Variants in MGAT4C observed in about 807,000 individuals in gnomAD.
MGAT4C encodes MGAT4 family member C, also known as alpha-1,3-mannosyl-glycoprotein 4-beta-N-acetylglucosaminyltransferase C.
A neutral mutation model predicts 40.1 loss-of-function variants in MGAT4C; 19 were observed. The observed-to-expected ratio is 0.47, with a 90% CI of 0.33 to 0.70. The LOEUF (loss-of-function observed/expected upper bound fraction) is 0.70, where lower values mean the gene tolerates loss of function less well. Among genes scored for constraint, MGAT4C ranks in the 30% least tolerant of loss-of-function variants. The probability of loss-of-function intolerance (pLI) is 0.02; values close to 1 mark genes in which losing one functional copy is unlikely to be tolerated. For missense variants in MGAT4C, 491 were observed against 563.2 expected (o/e 0.87, Z 1.30); for synonymous variants, 181 against 187.1 (o/e 0.97, Z 0.27).
In MGAT4C at chr12:85,964,724, T is replaced by C. The variant is rs1176366064; in HGVS notation, c.*14565A>G. 1 of 152,210 alleles carries C rather than the reference T, an allele frequency of 6.6e-6. No homozygotes were observed. Among genetic ancestry groups the C allele is most frequent in the Non-Finnish European group, 1.5e-5 (1 of 68,026 alleles). 9.4% of individuals were successfully genotyped at this position (152,210 alleles called of 1,614,324 possible). ...TCTCGGCTGTTTCCTCTGACAGTTC[T>C]GTGGTAAAGAAGAAACATTATAGGA... On this transcript the variant is annotated 3_prime_UTR_variant, in exon 5 of 5. Transcript: ENST00000611864.
At chr12:86,326,156 G>A (rs543030203) in intron 4 of MGAT4C, among the ~76,000 whole-genome samples, 14 of 151,610 alleles carry the variant, frequency 9.2e-5, no homozygotes, top group South Asian at 4.2e-4. Context: ...TATATTAAGC[G>A]GCCAACAAAT....
In MGAT4C at chr12:86,489,657, G is replaced by A. The variant is rs140228815; in HGVS notation, c.-228-54392C>T. Among the ~76,000 whole-genome samples, 8 of 152,310 alleles carry A rather than the reference G, an allele frequency of 5.3e-5. No individual in the cohort carries two copies. The East Asian group carries it at 1.5e-3, about 29-fold the overall frequency. ...ACTCCTGCTGGCACTGAAGCTGCTG[G>A]CCAGTTGCCACACTTGTTTGCTCAT... On this transcript the variant is annotated intron_variant, in intron 2 of 7. Transcript: ENST00000548651.
intron 1 of MGAT4C, among the ~76,000 whole-genome samples, chr12:86,823,233 A>C (rs2136228554): frequency 6.6e-6 from 1 of 151,294 alleles, no homozygotes; most frequent in East Asian, 1.9e-4. Context: ...AAAAAGAACA[A>C]ACAAAGCCCA....
At chr12:86,387,648 G>A (rs1956078993) in intron 3 of MGAT4C, among the ~76,000 whole-genome samples, 1 of 152,002 alleles carries the variant, frequency 6.6e-6, no homozygotes, top group Admixed American at 6.6e-5. Context: ...TATCTAGAAT[G>A]TGCAATAAAA....
chr12:85,999,232 A>G (rs1159607754), intron 2 of MGAT4C, among the ~76,000 whole-genome samples: 1 of 152,128 alleles, frequency 6.6e-6, no homozygotes, highest in African/African-American at 2.4e-5. Context: ...CTCCCATGAC[A>G]CATGGCAATT....
At chr12:86,020,633 C>T (rs10863148) in intron 2 of MGAT4C, among the ~76,000 whole-genome samples, 36,238 of 152,072 alleles carry the variant, frequency 0.24, 5,119 homozygotes, top group Non-Finnish European at 0.32. Context: ...CATAAAAACC[C>T]TAGAAGAAAA....
intron 1 of MGAT4C, among the ~76,000 whole-genome samples, chr12:86,151,643 G>C (rs1201558726): frequency 6.6e-6 from 1 of 152,102 alleles, no homozygotes; most frequent in Non-Finnish European, 1.5e-5. Flanking sequence ...TAGAGAATAA[G>C]TGAATGAACA....
intron 3 of MGAT4C, among the ~76,000 whole-genome samples, chr12:86,419,240 T>C (rs1334876094): frequency 5.3e-5 from 8 of 152,052 alleles, no homozygotes; most frequent in Non-Finnish European, 1.2e-4. Flanking sequence ...TAAATTAAGA[T>C]AATTTCTTCA....
intron 1 of MGAT4C, among the ~76,000 whole-genome samples, chr12:86,229,935 T>C (rs1027148894): frequency 1.3e-5 from 2 of 151,964 alleles, no homozygotes; most frequent in African/African-American, 4.8e-5. Context: ...GAGGAGAAAA[T>C]GCTTCTGTTC....
chr12:86,819,243 C>T (rs1172299256), intron 1 of MGAT4C, among the ~76,000 whole-genome samples: 1 of 150,714 alleles, frequency 6.6e-6, no homozygotes, highest in East Asian at 1.9e-4. Flanking sequence ...AAATAAAAAA[C>T]TGAAGCTAAA....
intron 2 of MGAT4C, among the ~76,000 whole-genome samples, chr12:86,456,749 G>A (rs192057927): frequency 1.3e-5 from 2 of 152,008 alleles, no homozygotes; most frequent in African/African-American, 4.8e-5. Context: ...ATACTGGTAG[G>A]AAACTTGAGA....
chr12:86,690,274 G>A (rs1447149358), intron 2 of MGAT4C, among the ~76,000 whole-genome samples: 1 of 152,198 alleles, frequency 6.6e-6, no homozygotes, highest in African/African-American at 2.4e-5. Flanking sequence ...GATCCACTAA[G>A]CAAGACCACT....
intron 1 of MGAT4C, among the ~76,000 whole-genome samples, chr12:86,135,454 G>A (rs192156093): frequency 7.9e-5 from 12 of 152,124 alleles, no homozygotes; most frequent in Middle Eastern, 3.4e-3. Flanking sequence ...GAGTATGTGC[G>A]TGATCTTATT....
intron 1 of MGAT4C, among the ~76,000 whole-genome samples, chr12:86,819,660 G>A (rs1555233537): frequency 6.6e-6 from 1 of 150,750 alleles, no homozygotes; most frequent in Non-Finnish European, 1.5e-5. Flanking sequence ...CTGAAACAAT[G>A]TACAGTAGTA....
chr12:86,585,981 G>T, intron 2 of MGAT4C, among the ~76,000 whole-genome samples: 1 of 149,612 alleles, frequency 6.7e-6, no homozygotes, highest in African/African-American at 2.5e-5. Flanking sequence ...TTAAGTTTTA[G>T]GGTACATGTG....
intron 2 of MGAT4C, among the ~76,000 whole-genome samples, chr12:86,626,635 A>T (rs939839580): frequency 2.6e-5 from 4 of 152,182 alleles, no homozygotes; most frequent in African/African-American, 9.7e-5. Context: ...ACTTTCCATT[A>T]TTTTCTAGTG....
upstream of MGAT4C, chr12:86,256,534 G>A (rs1952525346): frequency 6.6e-6 from 1 of 152,112 alleles, no homozygotes; most frequent in Non-Finnish European, 1.5e-5. Flanking sequence ...GCACATTTCT[G>A]ACTATAATTT....
chr12:86,385,547 C>T (rs926534741), intron 3 of MGAT4C, among the ~76,000 whole-genome samples: 1 of 152,184 alleles, frequency 6.6e-6, no homozygotes, highest in East Asian at 1.9e-4. Context: ...AAGATAAAAT[C>T]GAATGGCCTA....
In MGAT4C at chr12:86,432,310, T is replaced by C. The variant is rs528344642; in HGVS notation, c.-120+2847A>G. ...CAAACAAACAAACACAAAAAAACCT[T>C]TGAGATGTTTCTGTGAAGTAGCAGA... On this transcript the variant is annotated intron_variant, in intron 3 of 7. Transcript: ENST00000548651. 1.1e-3 allele frequency among the ~76,000 whole-genome samples: 166 copies of C among 152,006 alleles called. 1 individual carries two copies. Among genetic ancestry groups the C allele is most frequent in the African/African-American group, 4.0e-3 (164 of 41,458 alleles).
Sources: gnomAD v4.1 joint callset for allele counts (sites outside exome capture counted in the v4.1 genomes callset) on GRCh38, gnomAD v4.1.1 for gene constraint, MANE v1.5 for transcripts, NCBI Gene and HGNC (gene_info 2026-07-23, HGNC 2026-07-21) for gene names.